DACH1: variants seen among roughly 807,000 people sequenced by gnomAD.
The protein encoded by DACH1 is dachshund family transcription factor 1, also known as dachshund homolog 1.
DACH1 carries 12 observed loss-of-function variants against 54.2 expected under a neutral mutation model. The ratio of observed to expected loss-of-function variants is 0.22; its 90% CI spans 0.14 to 0.36. The LOEUF (loss-of-function observed/expected upper bound fraction) is 0.36, where lower values mean the gene tolerates loss of function less well. Among genes scored for constraint, DACH1 ranks in the 10% least tolerant of loss-of-function variants. The pLI, the probability that DACH1 is intolerant of heterozygous loss-of-function variation, is 1.00. For synonymous variants in DACH1, 386 were observed against 366.2 expected (o/e 1.05, Z -0.62); for missense variants, 805 against 929.8 (o/e 0.87, Z 1.75).
intron 1 of DACH1, among the ~76,000 whole-genome samples, chr13:71,748,206 G>A (rs974897924): frequency 2.6e-5 from 4 of 151,368 alleles, no homozygotes; most frequent in African/African-American, 9.7e-5. Flanking sequence ...TCCAAACAAT[G>A]TTGAGGGGGG....
intron 6 of DACH1, among the ~76,000 whole-genome samples, chr13:71,554,192 A>G (rs1382904433): frequency 2.0e-5 from 3 of 152,074 alleles, no homozygotes; most frequent in Admixed American, 6.6e-5. Flanking sequence ...AAAGCCTATG[A>G]ATATTTACTA....
intron 1 of DACH1, among the ~76,000 whole-genome samples, chr13:71,702,222 A>G (rs1384012615): frequency 6.6e-6 from 1 of 152,188 alleles, no homozygotes; most frequent in African/African-American, 2.4e-5. Flanking sequence ...TAAATTGCAT[A>G]TCATTTTTAT....
At chr13:71,503,842 G>A (rs369724741) in intron 6 of DACH1, among the ~76,000 whole-genome samples, 4 of 152,074 alleles carry the variant, frequency 2.6e-5, no homozygotes, top group Admixed American at 2.6e-4. Flanking sequence ...GAGATTTTAC[G>A]ACTTTTTCCT....
At chr13:71,702,384 A>T (rs964478317) in intron 1 of DACH1, among the ~76,000 whole-genome samples, 3 of 152,212 alleles carry the variant, frequency 2.0e-5, no homozygotes, top group Non-Finnish European at 2.9e-5. Flanking sequence ...GAAAGAAAAT[A>T]ATTCTGGGCT....
intron 3 of DACH1, among the ~76,000 whole-genome samples, chr13:71,579,619 GCT>G (rs1593927614): frequency 1.3e-5 from 2 of 151,880 alleles, no homozygotes; most frequent in Admixed American, 1.3e-4. Flanking sequence ...ATTTTAAATA[GCT>G]TTCATTTTGG....
intron 6 of DACH1, among the ~76,000 whole-genome samples, chr13:71,556,159 C>G (rs1454739736): frequency 6.6e-6 from 1 of 152,072 alleles, no homozygotes; most frequent in African/African-American, 2.4e-5. Flanking sequence ...TATTTAAATA[C>G]CCAATTTTGT....
At chr13:71,496,269 A>ATG (rs1301320067) in intron 6 of DACH1, among the ~76,000 whole-genome samples, 3 of 64,822 alleles carry the variant, frequency 4.6e-5, no homozygotes, top group African/African-American at 1.1e-4. Context: ...ATGTATATAT[A>ATG]TATATATATA....
chr13:71,711,825 T>C (rs1882735999), intron 1 of DACH1, among the ~76,000 whole-genome samples: 1 of 152,148 alleles, frequency 6.6e-6, no homozygotes, highest in Admixed American at 6.5e-5. Flanking sequence ...TTTTTGATAC[T>C]TGCTACATTG....
intron 10 of DACH1, among the ~76,000 whole-genome samples, chr13:71,473,899 A>G (rs1201248702): frequency 6.6e-6 from 1 of 152,310 alleles, no homozygotes; most frequent in South Asian, 2.1e-4. Flanking sequence ...TTTTTTCATT[A>G]ACAGTAATTT....
At chr13:71,619,987 GC>G (rs1472932616) in intron 3 of DACH1, among the ~76,000 whole-genome samples, 1 of 151,898 alleles carries the variant, frequency 6.6e-6, no homozygotes, top group Admixed American at 6.6e-5. Context: ...CTAAACATGT[GC>G]CTGTGTGTGT....
chr13:71,499,832 C>T (rs948618973), intron 6 of DACH1, among the ~76,000 whole-genome samples: 5 of 151,982 alleles, frequency 3.3e-5, no homozygotes, highest in African/African-American at 1.2e-4. Context: ...CATGTCATAC[C>T]GCATGAAAAG....
At chr13:71,763,173 G>A (rs1206761049) in intron 1 of DACH1, among the ~76,000 whole-genome samples, 3 of 152,154 alleles carry the variant, frequency 2.0e-5, no homozygotes, top group African/African-American at 4.8e-5. Flanking sequence ...CCTTATGACT[G>A]CTTTATTAAG....
At chr13:71,744,820 T>G (rs556160153) in intron 1 of DACH1, among the ~76,000 whole-genome samples, 1 of 152,326 alleles carries the variant, frequency 6.6e-6, no homozygotes, top group Non-Finnish European at 1.5e-5. Context: ...AGGTTAAAAG[T>G]GTATATATGC....
chr13:71,571,004 A>G (rs1321220439), intron 4 of DACH1, among the ~76,000 whole-genome samples: 1 of 152,198 alleles, frequency 6.6e-6, no homozygotes, highest in African/African-American at 2.4e-5. Context: ...AGGAATATGT[A>G]AGCCATCCCT....
chr13:71,439,131 G>A lies in DACH1; in HGVS notation c.*1524C>T, dbSNP rs1873778812. 1 of 152,346 alleles carries A rather than the reference G, an allele frequency of 6.6e-6. No individual in the cohort carries two copies. Among genetic ancestry groups the A allele is most frequent in the Admixed American group, 6.6e-5 (1 of 15,234 alleles). The allele number at this position is 152,346 out of a possible 1,614,324, so 9.4% of individuals were successfully genotyped here. A position where few individuals can be genotyped will look rare whatever the true frequency, so the allele number is the denominator to read the frequency against. ...TAAACATTTTAAGCTAGTTTTCTTA[G>A]ACATTGAAGATTTTGCTGTTTTGTG... On this transcript the variant is annotated 3_prime_UTR_variant, in exon 11 of 11. Transcript: ENST00000613252.
intron 1 of DACH1, among the ~76,000 whole-genome samples, chr13:71,686,774 G>A (rs2138713164): frequency 6.6e-6 from 1 of 152,296 alleles, no homozygotes; most frequent in African/African-American, 2.4e-5. Context: ...ATTGGAAAAT[G>A]TGAAAGTAGC....
At chr13:71,680,701 A>T (rs2138699854) in intron 2 of DACH1, among the ~76,000 whole-genome samples, 1 of 152,350 alleles carries the variant, frequency 6.6e-6, no homozygotes, top group East Asian at 1.9e-4. Context: ...ATAGCTACAA[A>T]TTAAACTCAA....
rs556859539 is a variant in DACH1 at position 71,852,601 on chromosome 13, G to A, written c.848+13321C>T. Among the ~76,000 whole-genome samples the A allele has an allele frequency of 6.6e-5, 10 of 152,282 alleles. No homozygotes were observed. In the South Asian group the frequency reaches 1.7e-3, roughly 25 times the overall value. ...ACCCAATTAAGGGTAAGTTTACATT[G>A]TTTGGAGCAAAGGAATAGCGATGCT... On this transcript the variant is annotated intron_variant, in intron 1 of 10. Coordinates refer to ENST00000613252, the MANE Select transcript of DACH1 (RefSeq NM_080759.6).
At chr13:71,748,058 T>G (rs1456921162) in intron 1 of DACH1, among the ~76,000 whole-genome samples, 1 of 152,152 alleles carries the variant, frequency 6.6e-6, no homozygotes, top group Admixed American at 6.5e-5. Context: ...TTAAGTACAG[T>G]TAGAATACTT....
Sources: gnomAD v4.1 joint callset for allele counts (sites outside exome capture counted in the v4.1 genomes callset) on GRCh38, gnomAD v4.1.1 for gene constraint, MANE v1.5 for transcripts, NCBI Gene and HGNC (gene_info 2026-07-23, HGNC 2026-07-21) for gene names.